CEMIP: variants seen among roughly 807,000 people sequenced by gnomAD.
The protein encoded by CEMIP is cell migration inducing hyaluronidase 1.
Under a neutral mutation model 156.9 loss-of-function variants are expected in CEMIP, and 105 were observed. The ratio of observed to expected loss-of-function variants is 0.67; its 90% CI spans 0.57 to 0.79. The LOEUF (loss-of-function observed/expected upper bound fraction) is 0.79, where lower values mean the gene tolerates loss of function less well. CEMIP is among the 30% of genes least tolerant of loss of function. The pLI is 0.00. For synonymous variants in CEMIP, 676 were observed against 668.4 expected (o/e 1.01, Z -0.17); for missense variants, 1,457 against 1,769.4 (o/e 0.82, Z 3.17).
At chr15:80,908,345 GAC>G (rs544992171) in intron 13 of CEMIP, among the ~76,000 whole-genome samples, 3 of 152,158 alleles carry the variant, frequency 2.0e-5, no homozygotes, top group Non-Finnish European at 4.4e-5. Context: ...TACTGGAGTT[GAC>G]ACTCCAGTTG....
chr15:80,834,382 C>T (rs1295113517), intron 1 of CEMIP, among the ~76,000 whole-genome samples: 1 of 152,098 alleles, frequency 6.6e-6, no homozygotes, highest in African/African-American at 2.4e-5. Flanking sequence ...TTTGCCTGTC[C>T]TACCTTTTCT....
intron 1 of CEMIP, among the ~76,000 whole-genome samples, chr15:80,779,940 TC>T (rs1895746767): frequency 6.6e-6 from 1 of 151,788 alleles, no homozygotes; most frequent in African/African-American, 2.4e-5. Context: ...CCGTAGATTT[TC>T]CCCCTTCTGA....
chr15:80,942,224 T>C (rs1901368232), intron 26 of CEMIP, 27 bp from the exon 27 acceptor site: 3 of 1,595,210 alleles, frequency 1.9e-6, no homozygotes, highest in Non-Finnish European at 2.6e-6. Context: ...AACCTAACAA[T>C]TACATTGGGT....
At chr15:80,946,656 G>A (rs1406257397) in intron 28 of CEMIP, 5 of 394,466 alleles carry the variant, frequency 1.3e-5, no homozygotes, top group South Asian at 2.3e-5. Flanking sequence ...GGCATGGTAC[G>A]CTCTGCTTAC....
At chr15:80,832,923 C>T (rs755628631) in intron 1 of CEMIP, among the ~76,000 whole-genome samples, 6 of 152,100 alleles carry the variant, frequency 3.9e-5, no homozygotes, top group South Asian at 2.1e-4. Flanking sequence ...GGCTCTCAAC[C>T]GAAACCTCCC....
At chr15:80,787,337 G>A (rs1007467412) in intron 1 of CEMIP, among the ~76,000 whole-genome samples, 2 of 152,248 alleles carry the variant, frequency 1.3e-5, no homozygotes, top group African/African-American at 4.8e-5. Flanking sequence ...ACCCTGCTAG[G>A]TATGTGAGGA....
At chr15:80,865,432 G>T (rs561229916) in intron 1 of CEMIP, among the ~76,000 whole-genome samples, 1 of 152,004 alleles carries the variant, frequency 6.6e-6, no homozygotes, top group East Asian at 1.9e-4. Flanking sequence ...CACCAGCCTC[G>T]GCCTCCCAAA....
At position 80,906,514 on chromosome 15, in the gene CEMIP, T is replaced by TGA; in HGVS notation, c.1412-148_1412-147dup. 4.0e-6 allele frequency: 3 copies of TGA among 750,780 alleles called. No homozygotes were observed. The highest frequency in any genetic ancestry group is 2.8e-5 in the Admixed American group (1 of 36,260). The allele number at this position is 750,780 out of a possible 1,614,324, so 46.5% of individuals were successfully genotyped here. On this transcript the variant is annotated intron_variant, in intron 12 of 29. Coordinates refer to ENST00000394685, the MANE Select transcript of CEMIP (RefSeq NM_001293298.2). The surrounding 1 kb of genome is among the most constrained non-coding windows in gnomAD (Gnocchi z 4.3). ...ATGCAGGCGTGTGACTTCACCTCCCTGACCTTCATCCTTCTGTAACATGAG... is the reference window on the plus strand; with the variant it reads ...ATGCAGGCGTGTGACTTCACCTCCCTGAGACCTTCATCCTTCTGTAACATGAG...
intron 6 of CEMIP, 97 bp downstream of exon 6, chr15:80,881,233 C>G (rs1367369328): frequency 1.9e-6 from 2 of 1,056,794 alleles, no homozygotes; most frequent in South Asian, 1.3e-5. Flanking sequence ...GCTGGGAGAA[C>G]AGCAGTGAAT....
At chr15:80,939,214 C>T (rs960852920) in intron 25 of CEMIP, among the ~76,000 whole-genome samples, 2 of 152,202 alleles carry the variant, frequency 1.3e-5, no homozygotes, top group Non-Finnish European at 2.9e-5. Flanking sequence ...CAATTACAGG[C>T]TCCCCACATA....
intron 25 of CEMIP, among the ~76,000 whole-genome samples, chr15:80,940,728 A>C (rs1901303785): frequency 6.6e-6 from 1 of 152,210 alleles, no homozygotes; most frequent in Admixed American, 6.5e-5. Context: ...TCAAGAAATA[A>C]AAACCCAGCT....
At chr15:80,830,521 T>G (rs1178341937) in intron 1 of CEMIP, among the ~76,000 whole-genome samples, 1 of 152,148 alleles carries the variant, frequency 6.6e-6, no homozygotes, top group Admixed American at 6.5e-5. Context: ...TGGAGCTCAA[T>G]GGGATCAACC....
chr15:80,897,530 A>G (rs976962960), intron 12 of CEMIP, among the ~76,000 whole-genome samples: 7 of 152,282 alleles, frequency 4.6e-5, no homozygotes, highest in Admixed American at 1.3e-4. Flanking sequence ...TTGGAGGGAG[A>G]TGGTAATTTG....
chr15:80,839,019 G>A (rs185714924), intron 1 of CEMIP, among the ~76,000 whole-genome samples: 26 of 152,288 alleles, frequency 1.7e-4, no homozygotes, highest in African/African-American at 3.9e-4. Flanking sequence ...GAGGCCACCC[G>A]CAGGCGTCTT....
chr15:80,784,056 T>C (rs1596085101), intron 1 of CEMIP, among the ~76,000 whole-genome samples: 1 of 152,190 alleles, frequency 6.6e-6, no homozygotes, highest in East Asian at 1.9e-4. Flanking sequence ...AGGCCTTCCT[T>C]GCACAGGCAC....
At chr15:80,947,681 G>C (rs1038681727) in intron 29 of CEMIP, 7 of 154,362 alleles carry the variant, frequency 4.5e-5, no homozygotes, top group African/African-American at 1.4e-4. Context: ...CAGAGAGGCT[G>C]TATGGGCGGC....
chr15:80,839,264 T>C (rs1392172706), intron 1 of CEMIP, among the ~76,000 whole-genome samples: 1 of 140,180 alleles, frequency 7.1e-6, no homozygotes, highest in Non-Finnish European at 1.5e-5. Flanking sequence ...CAGTCAGGAG[T>C]GAAGGCTGTG....
At chr15:80,916,480 G>A (rs968140350) in intron 14 of CEMIP, among the ~76,000 whole-genome samples, 1 of 152,224 alleles carries the variant, frequency 6.6e-6, no homozygotes, top group African/African-American at 2.4e-5. Context: ...AATGGGGGGA[G>A]AACTTACATA....
At chr15:80,903,493 G>A (rs1213386674) in intron 12 of CEMIP, among the ~76,000 whole-genome samples, 1 of 152,216 alleles carries the variant, frequency 6.6e-6, no homozygotes, top group East Asian at 1.9e-4. Flanking sequence ...GCAAAGGCAT[G>A]TTCAAGGAAG....
Sources: gnomAD v4.1 joint callset for allele counts (sites outside exome capture counted in the v4.1 genomes callset) on GRCh38, gnomAD v4.1.1 for gene constraint, Gnocchi (gnomAD v3.1) non-coding constraint, MANE v1.5 for transcripts, NCBI Gene and HGNC (gene_info 2026-07-23, HGNC 2026-07-21) for gene names.